Variants in TFG observed in about 807,000 individuals in gnomAD.
TFG encodes the protein protein TFG.
A neutral mutation model predicts 51.4 loss-of-function variants in TFG; 22 were observed. The observed-to-expected ratio is 0.43, with a 90% CI of 0.31 to 0.61. The LOEUF (loss-of-function observed/expected upper bound fraction) is 0.61. TFG is among the 20% of genes least tolerant of loss of function. The pLI is 0.12. For missense variants in TFG, 419 were observed against 487.7 expected, an observed-to-expected ratio of 0.86 and a Z score of 1.33; for synonymous variants, 187 against 165.6, an observed-to-expected ratio of 1.13 and a Z score of -0.99.
intron 6 of TFG, among the ~76,000 whole-genome samples, chr3:100,738,498 T>A (rs1037052923): frequency 1.3e-5 from 2 of 152,224 alleles, no homozygotes; most frequent in Non-Finnish European, 2.9e-5. Context: ...CTAAACATTC[T>A]ATGAAGTGTT....
At chr3:100,742,333 ATC>A (rs2095123508) in intron 6 of TFG, 1 of 152,178 alleles carries the variant, frequency 6.6e-6, no homozygotes, top group Non-Finnish European at 1.5e-5. Flanking sequence ...CCTACAGCAT[ATC>A]TCTGATCACA....
intron 4 of TFG, among the ~76,000 whole-genome samples, chr3:100,729,411 TTG>T (rs1264275006): frequency 1.3e-5 from 2 of 152,176 alleles, no homozygotes; most frequent in Admixed American, 6.5e-5. Flanking sequence ...CATGTACTGT[TTG>T]TGTTAAGATA....
intron 5 of TFG, among the ~76,000 whole-genome samples, chr3:100,734,603 GTTTCT>G (rs1026363040): frequency 4.6e-5 from 7 of 152,242 alleles, no homozygotes; most frequent in African/African-American, 1.7e-4. Flanking sequence ...ATTTCAAATA[GTTTCT>G]TTTGTTTTGT....
chr3:100,737,115 G>A (rs2095108742), intron 6 of TFG, among the ~76,000 whole-genome samples: 1 of 152,126 alleles, frequency 6.6e-6, no homozygotes, highest in Non-Finnish European at 1.5e-5. Flanking sequence ...TCTGAATAGA[G>A]GTAAAGGATA....
At chr3:100,744,028 A>C (rs1039371501) in intron 6 of TFG, 2 of 152,116 alleles carry the variant, frequency 1.3e-5, no homozygotes, top group Non-Finnish European at 2.9e-5. Context: ...GACATAAACC[A>C]ATAAATCTTT....
At chr3:100,720,189 G>A (rs938805708) in intron 3 of TFG, 131 bp downstream of exon 3, 1 of 554,190 alleles carries the variant, frequency 1.8e-6, no homozygotes, top group East Asian at 3.4e-5. Flanking sequence ...TTGTGTTCAG[G>A]TAGTTGTTTT....
chr3:100,743,581 G>GATTTTT (rs1348386485), intron 6 of TFG: 1 of 151,982 alleles, frequency 6.6e-6, no homozygotes, highest in Non-Finnish European at 1.5e-5. Flanking sequence ...TAGTTGAGCT[G>GATTTTT]ATTTTTATTT....
chr3:100,731,778 C>T (rs903585183), intron 4 of TFG, among the ~76,000 whole-genome samples: 2 of 152,010 alleles, frequency 1.3e-5, no homozygotes, highest in African/African-American at 2.4e-5. Flanking sequence ...GAGCTCCTGA[C>T]CTCAAGTGAT....
At chr3:100,726,892 T>C (rs2095077456) in intron 3 of TFG, among the ~76,000 whole-genome samples, 1 of 152,220 alleles carries the variant, frequency 6.6e-6, no homozygotes, top group African/African-American at 2.4e-5. Flanking sequence ...GGGTATCTTA[T>C]CAAATCTTAT....
intron 4 of TFG, among the ~76,000 whole-genome samples, chr3:100,732,127 T>C (rs1029786858): frequency 1.3e-5 from 2 of 152,136 alleles, no homozygotes; most frequent in Non-Finnish European, 2.9e-5. Flanking sequence ...TTCCTATAAT[T>C]ATTATTTCCA....
intron 2 of TFG, among the ~76,000 whole-genome samples, chr3:100,716,124 C>T (rs2095045193): frequency 6.6e-6 from 1 of 152,122 alleles, no homozygotes; most frequent in African/African-American, 2.4e-5. Context: ...TTATTGTTAA[C>T]TGTAGTCATC....
intron 5 of TFG, among the ~76,000 whole-genome samples, chr3:100,735,855 CAG>C (rs1172529017): frequency 1.3e-5 from 2 of 151,968 alleles, no homozygotes; most frequent in Non-Finnish European, 2.9e-5. Context: ...CAAAAGAGTG[CAG>C]AGTCTTTAAG....
At chr3:100,734,048 C>T (rs1307834102) in intron 5 of TFG, among the ~76,000 whole-genome samples, 2 of 151,010 alleles carry the variant, frequency 1.3e-5, no homozygotes, top group African/African-American at 4.9e-5. Context: ...CTCACAGTCA[C>T]AGAAGTTTTT....
chr3:100,717,838 T>TTGAC (rs139114111), intron 2 of TFG, among the ~76,000 whole-genome samples: 4,514 of 152,316 alleles, frequency 0.03, 179 homozygotes, highest in African/African-American at 0.092. Context: ...CAGGGACAGT[T>TTGAC]TGCTTCCTTC....
rs2095153770 is a variant in TFG at position 100,748,216 on chromosome 3, T to C, written c.888T>C (p.Thr296=). 1 of 1,614,118 alleles carries C rather than the reference T, an allele frequency of 6.2e-7. No homozygotes were observed. The highest frequency in any genetic ancestry group is 8.5e-7 in the Non-Finnish European group (1 of 1,179,992). ...TCCAGGGATATGGCCAGCAACCAAC[T>C]TCCCAGGCACCAGCTCCTGCCTTTT... The part of the protein sequence containing the change: ...QQFQGYGQQP[T]SQAPAPAFSG... The change falls in exon 8 of 8, where the codon ACT becomes ACC. Residue 296 remains threonine, a synonymous_variant. Coordinates refer to ENST00000240851, the MANE Select transcript of TFG (RefSeq NM_006070.6).
chr3:100,733,637 T>A (rs1432262348), intron 5 of TFG, among the ~76,000 whole-genome samples: 1 of 151,988 alleles, frequency 6.6e-6, no homozygotes, highest in South Asian at 2.1e-4. Flanking sequence ...CCAACTCCAG[T>A]AGGGTCACAT....
chr3:100,732,302 G>C (rs1039119080), intron 4 of TFG, among the ~76,000 whole-genome samples: 1 of 151,872 alleles, frequency 6.6e-6, no homozygotes, highest in Non-Finnish European at 1.5e-5. Context: ...TTCATCTTCT[G>C]TTTCTTTTTG....
At chr3:100,738,408 C>T (rs2095112530) in intron 6 of TFG, among the ~76,000 whole-genome samples, 1 of 152,120 alleles carries the variant, frequency 6.6e-6, no homozygotes, top group Non-Finnish European at 1.5e-5. Flanking sequence ...GATACAATGA[C>T]AGTTGGAAGG....
At position 100,709,714 on chromosome 3, in the gene TFG, G is replaced by T. The variant is rs1294036011; in HGVS notation, c.-51G>T. ...CGGAGAGGCGGCGGCCGCGGCCTCC[G>T]CAAGCCGGTATGGCCACTGGAGACG... On this transcript the variant is annotated 5_prime_UTR_variant, in exon 1 of 8. Coordinates refer to ENST00000240851, the MANE Select transcript of TFG (RefSeq NM_006070.6). 6.6e-6 allele frequency: 1 copy of T among 150,760 alleles called. No homozygotes were observed. Among genetic ancestry groups the T allele is most frequent in the Non-Finnish European group, 1.5e-5 (1 of 67,282 alleles). 9.3% of individuals were successfully genotyped at this position (150,760 alleles called of 1,614,324 possible). A position where few individuals can be genotyped will look rare whatever the true frequency, so the allele number is the denominator to read the frequency against.
Sources: gnomAD v4.1 joint callset for allele counts (sites outside exome capture counted in the v4.1 genomes callset) on GRCh38, gnomAD v4.1.1 for gene constraint, MANE v1.5 for transcripts, NCBI Gene and HGNC (gene_info 2026-07-23, HGNC 2026-07-21) for gene names.